TLN2: variants seen among roughly 807,000 people sequenced by gnomAD.
The protein encoded by TLN2 is talin 2.
TLN2 carries 118 observed loss-of-function variants against 294.7 expected under a neutral mutation model. The observed-to-expected ratio is 0.40, with a 90% CI of 0.34 to 0.47. TLN2 has a LOEUF of 0.47. TLN2 is among the 20% of genes least tolerant of loss of function. TLN2 has a pLI of 0.84. For synonymous variants in TLN2, 1,431 were observed against 1,304.5 expected (o/e 1.10, Z -2.09); for missense variants, 3,083 against 3,282.2 (o/e 0.94, Z 1.48).
chr15:62,748,915 A>G (rs2061765969), intron 33 of TLN2, among the ~76,000 whole-genome samples: 1 of 152,328 alleles, frequency 6.6e-6, no homozygotes, highest in African/African-American at 2.4e-5. Flanking sequence ...GAATCCTAGG[A>G]CTAACAGTAC....
At chr15:62,529,801 AT>A (rs1417864527) in intron 1 of TLN2, among the ~76,000 whole-genome samples, 1 of 152,200 alleles carries the variant, frequency 6.6e-6, no homozygotes, top group East Asian at 1.9e-4. Flanking sequence ...GGTTCAGGAG[AT>A]TTAAAAAATG....
intron 45 of TLN2, among the ~76,000 whole-genome samples, chr15:62,789,569 TC>T (rs1447530064): frequency 6.6e-6 from 1 of 152,140 alleles, no homozygotes; most frequent in African/African-American, 2.4e-5. Context: ...TGAGGATGTG[TC>T]CCACCATGGA....
intron 25 of TLN2, among the ~76,000 whole-genome samples, chr15:62,720,716 C>A (rs1004026228): frequency 5.5e-5 from 8 of 146,238 alleles, no homozygotes; most frequent in Non-Finnish European, 1.2e-4. Flanking sequence ...GTATATAGGC[C>A]CTTTGTGTTT....
intron 1 of TLN2, among the ~76,000 whole-genome samples, chr15:62,578,098 G>A (rs922702369): frequency 1.3e-5 from 2 of 152,158 alleles, no homozygotes; most frequent in Non-Finnish European, 2.9e-5. Context: ...TATCACTGAT[G>A]GACATTTGGG....
intron 1 of TLN2, among the ~76,000 whole-genome samples, chr15:62,589,155 G>A (rs1382506435): frequency 1.3e-5 from 2 of 152,054 alleles, no homozygotes; most frequent in African/African-American, 4.8e-5. Flanking sequence ...TTCTACAATT[G>A]ATTATAGTGC....
At chr15:62,804,700 C>T (rs28454869) in intron 50 of TLN2, among the ~76,000 whole-genome samples, 12,254 of 152,178 alleles carry the variant, frequency 0.081, 708 homozygotes, top group East Asian at 0.18. Context: ...ATTTGGGGTC[C>T]TGGACTGCTT....
intron 1 of TLN2, among the ~76,000 whole-genome samples, chr15:62,486,498 T>A (rs1031368407): frequency 2.7e-5 from 4 of 150,148 alleles, no homozygotes; most frequent in East Asian, 1.9e-4. Flanking sequence ...ATTGACATTT[T>A]AAAAAAATAC....
intron 11 of TLN2, 103 bp downstream of exon 11, chr15:62,675,424 C>A: frequency 8.5e-7 from 1 of 1,173,154 alleles, no homozygotes. Context: ...ACCCCCCTAG[C>A]ATTTGCGGGT....
At chr15:62,468,164 A>G (rs1450016455) in intron 1 of TLN2, among the ~76,000 whole-genome samples, 2 of 151,650 alleles carry the variant, frequency 1.3e-5, no homozygotes, top group Admixed American at 6.6e-5. Context: ...AATTTCCAAA[A>G]TAAATTTTGG....
At position 62,722,345 on chromosome 15, in the gene TLN2, C is replaced by A. The variant is rs1270616618; in HGVS notation, c.2992-8C>A. On this transcript the variant is annotated splice_polypyrimidine_tract_variant and splice_region_variant and intron_variant, in intron 25 of 58. Transcript: ENST00000636159. ...GAGCCATCTTACTTTCTTTTCATCT[C>A]TCTATAGCCTGGAAGCAAGATGGTG... The A allele has an allele frequency of 6.2e-7, 1 of 1,604,404 alleles. No homozygotes were observed. Among genetic ancestry groups the A allele is most frequent in the East Asian group, 2.2e-5 (1 of 44,772 alleles).
intron 11 of TLN2, chr15:62,682,928 G>T (rs1234133092): frequency 6.6e-6 from 1 of 152,218 alleles, no homozygotes; most frequent in Non-Finnish European, 1.5e-5. Flanking sequence ...AAACACCAGA[G>T]AGGGCATTCG....
At chr15:62,546,173 C>G (rs532491203) in intron 1 of TLN2, among the ~76,000 whole-genome samples, 2 of 152,288 alleles carry the variant, frequency 1.3e-5, no homozygotes, top group East Asian at 3.9e-4. Flanking sequence ...TTTCTGTCTT[C>G]ACTACCTCTG....
At chr15:62,524,537 T>A (rs1036698619) in intron 1 of TLN2, among the ~76,000 whole-genome samples, 1 of 152,168 alleles carries the variant, frequency 6.6e-6, no homozygotes, top group Non-Finnish European at 1.5e-5. Context: ...GAACCTTGGA[T>A]AGGACTTCAG....
At chr15:62,407,554 T>A (rs746973985) in intron 1 of TLN2, among the ~76,000 whole-genome samples, 1 of 152,134 alleles carries the variant, frequency 6.6e-6, no homozygotes, top group African/African-American at 2.4e-5. Context: ...AAAACCACCA[T>A]CACCACCAAG....
chr15:62,701,871 A>T, intron 17 of TLN2, 121 bp from the exon 18 acceptor site: 1 of 1,140,582 alleles, frequency 8.8e-7, no homozygotes, highest in Admixed American at 2.1e-5. Context: ...TGCTCATGTG[A>T]AGCTTGGTGT....
intron 1 of TLN2, among the ~76,000 whole-genome samples, chr15:62,398,239 C>G (rs1212279804): frequency 2.0e-5 from 3 of 152,164 alleles, no homozygotes; most frequent in Admixed American, 6.5e-5. Flanking sequence ...GGGCCTTTTA[C>G]CCCTTTGCTT....
chr15:62,734,997 T>G (rs2060928572), intron 28 of TLN2, among the ~76,000 whole-genome samples: 1 of 152,216 alleles, frequency 6.6e-6, no homozygotes, highest in Admixed American at 6.5e-5. Flanking sequence ...ATTTCAAAAG[T>G]TCAGTGCGAG....
At chr15:62,695,146 GTAACATC>G (rs1190749529) in intron 14 of TLN2, among the ~76,000 whole-genome samples, 1 of 152,118 alleles carries the variant, frequency 6.6e-6, no homozygotes, top group Non-Finnish European at 1.5e-5. Context: ...TTAAAATTAA[GTAACATC>G]TAATAAATGG....
At chr15:62,417,030 G>T (rs538701258) in intron 1 of TLN2, among the ~76,000 whole-genome samples, 1 of 152,124 alleles carries the variant, frequency 6.6e-6, no homozygotes, top group Non-Finnish European at 1.5e-5. Context: ...GATCTATTCC[G>T]CAGATCATCG....
Sources: gnomAD v4.1 joint callset for allele counts (sites outside exome capture counted in the v4.1 genomes callset) on GRCh38, gnomAD v4.1.1 for gene constraint, MANE v1.5 for transcripts, NCBI Gene and HGNC (gene_info 2026-07-23, HGNC 2026-07-21) for gene names.